KLRG1: variants seen among roughly 807,000 people sequenced by gnomAD.
KLRG1 encodes killer cell lectin like receptor G1, also known as killer cell lectin-like receptor subfamily G member 1.
Under a neutral mutation model 21.8 loss-of-function variants are expected in KLRG1, and 16 were observed. The observed-to-expected ratio is 0.73, with a 90% CI of 0.50 to 1.11. KLRG1 has a LOEUF of 1.11. Among genes scored for constraint, KLRG1 ranks in the 50% most tolerant of loss-of-function variants. The pLI is 0.00. For missense variants in KLRG1, 173 were observed against 218.3 expected, an observed-to-expected ratio of 0.79 and a Z score of 1.31; for synonymous variants, 69 against 75.9, an observed-to-expected ratio of 0.91 and a Z score of 0.47.
At chr12:8,995,382 A>G in intron 3 of KLRG1, 94 bp downstream of exon 3, 1 of 1,048,134 alleles carries the variant, frequency 9.5e-7, no homozygotes, top group Non-Finnish European at 1.4e-6. Flanking sequence ...TCCTCTTTTA[A>G]GGAACAGAAG....
At chr12:9,059,506 G>T in the KLRG1 span, among the ~76,000 whole-genome samples, 2 of 152,058 alleles carry the variant, frequency 1.3e-5, no homozygotes, top group African/African-American at 4.8e-5. Context: ...TTCACTGTGG[G>T]TTTCAATGGA....
At chr12:9,019,008 T>C in the KLRG1 span, among the ~76,000 whole-genome samples, 1 of 152,110 alleles carries the variant, frequency 6.6e-6, no homozygotes, top group Non-Finnish European at 1.5e-5. Flanking sequence ...GAGGAAACAT[T>C]TGCAAACTAT....
chr12:8,984,455 T>C (rs957419651), intron 1 of KLRG1, among the ~76,000 whole-genome samples: 1 of 152,162 alleles, frequency 6.6e-6, no homozygotes, highest in Non-Finnish European at 1.5e-5. Flanking sequence ...GGTTTCACCA[T>C]GTTGGCCAGG....
chr12:9,093,544 C>A, the KLRG1 span: 1 of 1,612,072 alleles, frequency 6.2e-7, no homozygotes, highest in Non-Finnish European at 8.5e-7. Context: ...TCAACATGCA[C>A]CAGGCGTGCA....
the KLRG1 span, chr12:9,093,702 G>A: frequency 3.6e-6 from 2 of 559,450 alleles, no homozygotes; most frequent in South Asian, 7.5e-5. Context: ...AGAGAGGAAG[G>A]AGGAGAGGGC....
At chr12:9,034,061 T>C in the KLRG1 span, among the ~76,000 whole-genome samples, 1 of 152,156 alleles carries the variant, frequency 6.6e-6, no homozygotes, top group Non-Finnish European at 1.5e-5. Flanking sequence ...AAGAACCCCA[T>C]GAGAGACAAT....
chr12:9,018,782 A>G, the KLRG1 span, among the ~76,000 whole-genome samples: 1 of 152,104 alleles, frequency 6.6e-6, no homozygotes, highest in Non-Finnish European at 1.5e-5. Context: ...ATTAAATAAA[A>G]TTGGATTAAC....
the KLRG1 span, among the ~76,000 whole-genome samples, chr12:9,075,838 T>C: frequency 0.38 from 57,424 of 151,980 alleles, 11,594 homozygotes; most frequent in African/African-American, 0.49. Context: ...ATTTTTCCCA[T>C]GTCGGTAATT....
At chr12:8,957,530 TTTG>T (rs527889664) in intron 1 of KLRG1, among the ~76,000 whole-genome samples, 1 of 151,828 alleles carries the variant, frequency 6.6e-6, no homozygotes, top group Non-Finnish European at 1.5e-5. Flanking sequence ...TTTGTTTTGT[TTTG>T]TTTTTTTGTT....
chr12:9,019,459 A>C, the KLRG1 span, among the ~76,000 whole-genome samples: 11,409 of 152,290 alleles, frequency 0.075, 615 homozygotes, highest in African/African-American at 0.15. Flanking sequence ...TTAAAGAGAT[A>C]TCTGCACTCC....
At chr12:9,073,604 A>T in the KLRG1 span, among the ~76,000 whole-genome samples, 1 of 152,230 alleles carries the variant, frequency 6.6e-6, no homozygotes, top group Non-Finnish European at 1.5e-5. Flanking sequence ...ATAGGATGGA[A>T]TGCCATTTTG....
the KLRG1 span, among the ~76,000 whole-genome samples, chr12:9,078,686 T>C: frequency 6.6e-6 from 1 of 152,250 alleles, no homozygotes; most frequent in African/African-American, 2.4e-5. Flanking sequence ...GTTAGTTACT[T>C]GAGTAAGGCT....
At chr12:9,031,596 G>T in the KLRG1 span, among the ~76,000 whole-genome samples, 3 of 152,164 alleles carry the variant, frequency 2.0e-5, no homozygotes, top group Non-Finnish European at 4.4e-5. Flanking sequence ...AATATTTGAA[G>T]ATTTATTCTG....
At chr12:9,177,384 C>T in the KLRG1 span, among the ~76,000 whole-genome samples, 1 of 152,190 alleles carries the variant, frequency 6.6e-6, no homozygotes, top group Non-Finnish European at 1.5e-5. Flanking sequence ...CAACCTCTGT[C>T]AAGCTGTCAG....
chr12:8,976,829 C>T (rs1014661473), intron 1 of KLRG1, among the ~76,000 whole-genome samples: 3 of 151,728 alleles, frequency 2.0e-5, no homozygotes, highest in Admixed American at 2.0e-4. Flanking sequence ...TCGCTGCAAC[C>T]TCCACCTTAT....
At chr12:9,094,759 G>C in the KLRG1 span, among the ~76,000 whole-genome samples, 1 of 151,976 alleles carries the variant, frequency 6.6e-6, no homozygotes, top group Non-Finnish European at 1.5e-5. Flanking sequence ...CTAATCCTAC[G>C]CTTGGAAACT....
At chr12:8,994,415 G>A (rs958814046) in intron 2 of KLRG1, among the ~76,000 whole-genome samples, 7 of 152,172 alleles carry the variant, frequency 4.6e-5, no homozygotes, top group Non-Finnish European at 4.4e-5. Flanking sequence ...TTAAAGGAAT[G>A]TGGATCTTCC....
chr12:9,178,494 A>G, the KLRG1 span, among the ~76,000 whole-genome samples: 2 of 152,202 alleles, frequency 1.3e-5, no homozygotes, highest in Admixed American at 1.3e-4. Context: ...TGCTTCCTTT[A>G]GGTGAAAAGG....
At chr12:8,996,594 A>C (rs1378634691) in intron 3 of KLRG1, 4 of 152,170 alleles carry the variant, frequency 2.6e-5, no homozygotes, top group Admixed American at 2.6e-4. Flanking sequence ...TAAAGCATAC[A>C]GATTCTTGTT....
Sources: gnomAD v4.1 joint callset for allele counts (sites outside exome capture counted in the v4.1 genomes callset) on GRCh38, gnomAD v4.1.1 for gene constraint, MANE v1.5 for transcripts, NCBI Gene and HGNC (gene_info 2026-07-23, HGNC 2026-07-21) for gene names.